STARD9: variants seen among roughly 807,000 people sequenced by gnomAD.
STARD9 encodes stAR-related lipid transfer protein 9.
Under a neutral mutation model 399.8 loss-of-function variants are expected in STARD9, and 346 were observed. The ratio of observed to expected loss-of-function variants is 0.87; its 90% CI spans 0.79 to 0.95. STARD9 has a LOEUF of 0.95. Ranked by LOEUF, STARD9 falls within the 40% of genes least tolerant of loss-of-function variation. The pLI, the probability that STARD9 is intolerant of heterozygous loss-of-function variation, is 0.00. For missense variants in STARD9, 5,832 were observed against 5,667.5 expected (o/e 1.03, Z -0.93); for synonymous variants, 2,203 against 2,143.5 (o/e 1.03, Z -0.77).
intron 26 of STARD9, among the ~76,000 whole-genome samples, chr15:42,709,129 C>T (rs2140374190): frequency 6.6e-6 from 1 of 152,218 alleles, no homozygotes; most frequent in Middle Eastern, 3.4e-3. Flanking sequence ...AATGTGGTGG[C>T]TGACGCCTGT....
In STARD9 at chr15:42,669,263, G is replaced by C. The variant is rs569715330; in HGVS notation, c.1423G>C (p.Asp475His). The change falls in exon 16 of 33, where the codon GAC (aspartate) becomes CAC (histidine). Residue 475 changes from aspartate to histidine, a missense_variant. Coordinates refer to ENST00000290607, the MANE Select transcript of STARD9 (RefSeq NM_020759.3). Reference protein sequence around the residue: ...INRRRAGVVIDSSLPHLMALE... With the variant: ...INRRRAGVVIHSSLPHLMALE... ...CAGGAGGAGGGCTGGGGTGGTCATCGACTCCAGCCTGCCACACTTGATGGC... is the reference window on the plus strand; with the variant it reads ...CAGGAGGAGGGCTGGGGTGGTCATCCACTCCAGCCTGCCACACTTGATGGC... 2 of 1,536,880 alleles carry C rather than the reference G, an allele frequency of 1.3e-6. No individual in the cohort carries two copies. The highest frequency in any genetic ancestry group is 1.4e-5 in the African/African-American group (1 of 73,040).
At chr15:42,663,775 G>A (rs1188677971) in intron 12 of STARD9, 45 bp from the exon 13 acceptor site, 2 of 1,362,114 alleles carry the variant, frequency 1.5e-6, no homozygotes, top group East Asian at 2.5e-5. Context: ...TAAGAGCTGG[G>A]ATGGATGGGC....
intron 26 of STARD9, among the ~76,000 whole-genome samples, chr15:42,702,361 G>A (rs1009754572): frequency 2.1e-4 from 32 of 151,954 alleles, no homozygotes; most frequent in African/African-American, 7.5e-4. Context: ...GCACCACCAT[G>A]CCTGGCTAAT....
At chr15:42,603,050 GC>G (rs1423207703) in intron 3 of STARD9, among the ~76,000 whole-genome samples, 1 of 152,058 alleles carries the variant, frequency 6.6e-6, no homozygotes, top group Non-Finnish European at 1.5e-5. Context: ...CTGGAGTTTG[GC>G]CTCATATATT....
At chr15:42,621,233 T>C (rs1181867277) in intron 3 of STARD9, among the ~76,000 whole-genome samples, 3 of 152,202 alleles carry the variant, frequency 2.0e-5, no homozygotes, top group Non-Finnish European at 4.4e-5. Flanking sequence ...TTGTATTTAA[T>C]AAATATTTTG....
chr15:42,655,391 A>G (rs1285434863), intron 9 of STARD9, among the ~76,000 whole-genome samples: 9 of 152,260 alleles, frequency 5.9e-5, no homozygotes, highest in African/African-American at 2.2e-4. Flanking sequence ...AAACAGGCAT[A>G]TAGACCAATG....
In STARD9 at chr15:42,691,322, G is replaced by A. The variant is rs1321362637; in HGVS notation, c.9744G>A (p.Gly3248=). The change falls in exon 23 of 33, where the codon GGG becomes GGA. Residue 3248 remains glycine, a synonymous_variant. Transcript: ENST00000290607. ...ATGGCTGTCAGATTTTAGATGCTGG[G>A]AGAGAGGAGGTGGCTGTGGCCAAGC... The part of the protein sequence containing the change: ...GLDGCQILDA[G]REEVAVAKPP... The A allele has an allele frequency of 1.3e-6, 2 of 1,537,130 alleles. No individual in the cohort carries two copies. The highest frequency in any genetic ancestry group is 2.7e-5 in the African/African-American group (2 of 73,044).
At position 42,688,321 on chromosome 15, in the gene STARD9, C is replaced by G. The variant is rs777339009; in HGVS notation, c.6743C>G (p.Thr2248Ser). Residue 2248 changes from threonine to serine, a missense_variant, in exon 23 of 33, where the codon ACT (threonine) becomes AGT (serine). Thr to Ser is a moderately conservative substitution (Grantham distance 58). Around this residue, in one of 2 missense-constraint regions of STARD9, gnomAD observed 5,828 missense variants for 5,651.1 expected, o/e 1.03. Coordinates refer to ENST00000290607, the MANE Select transcript of STARD9 (RefSeq NM_020759.3). The stretch of plus-strand genomic sequence containing the variant: ...TTAGGAAGTCTTGAGGAATTGGAGA[C>G]TGTGAAAGGTTTTCAGGAAAGCCAA... Reference protein sequence around the residue: ...WGLGSLEELETVKGFQESQVA... With the variant: ...WGLGSLEELESVKGFQESQVA... 6.5e-7 allele frequency: 1 copy of G among 1,537,398 alleles called. No individual in the cohort carries two copies. The highest frequency in any genetic ancestry group is 1.2e-5 in the South Asian group (1 of 84,060).
At chr15:42,646,708 T>G (rs929031464) in intron 7 of STARD9, among the ~76,000 whole-genome samples, 1 of 152,206 alleles carries the variant, frequency 6.6e-6, no homozygotes, top group East Asian at 1.9e-4. Flanking sequence ...GTTCACGGAG[T>G]AGCACTTTTA....
Position 42,685,341 on chromosome 15 carries a change from G to A in STARD9, c.3763G>A (p.Gly1255Ser). Residue 1255 changes from glycine to serine, a missense_variant, in exon 23 of 33, where the codon GGT (glycine) becomes AGT (serine). Gly to Ser is a moderately conservative substitution (Grantham distance 56). Coordinates refer to ENST00000290607, the MANE Select transcript of STARD9 (RefSeq NM_020759.3). ...VMDQEAICRL[G>S]PINYRTAARL... ...GGACCAAGAGGCAATATGCAGGCTTGGTCCCATCAACTACAGAACAGCAGC... is the reference window on the plus strand; with the variant it reads ...GGACCAAGAGGCAATATGCAGGCTTAGTCCCATCAACTACAGAACAGCAGC... The A allele has an allele frequency of 6.5e-7, 1 of 1,537,302 alleles. No individual in the cohort carries two copies. Among genetic ancestry groups the A allele is most frequent in the Non-Finnish European group, 8.7e-7 (1 of 1,146,930 alleles).
chr15:42,718,427 C>G lies in STARD9; in HGVS notation c.13763-8C>G, dbSNP rs1362269002. ...GCCTCCTGACCTTCCTTATCCCTGT[C>G]CCTCCAGTGTACTTGGTGTGCAACA... On this transcript the variant is annotated splice_region_variant and splice_polypyrimidine_tract_variant and intron_variant, in intron 30 of 32. Transcript: ENST00000290607. The G allele has an allele frequency of 6.5e-7, 1 of 1,535,856 alleles. No homozygotes were observed. Among genetic ancestry groups the G allele is most frequent in the Non-Finnish European group, 8.7e-7 (1 of 1,145,726 alleles).
intron 3 of STARD9, among the ~76,000 whole-genome samples, chr15:42,587,468 G>A (rs1018169931): frequency 6.6e-6 from 1 of 152,188 alleles, no homozygotes; most frequent in Non-Finnish European, 1.5e-5. Flanking sequence ...AGAGCAGTGT[G>A]GACATTACCT....
At chr15:42,664,845 A>G (rs2060061944) in intron 13 of STARD9, among the ~76,000 whole-genome samples, 1 of 151,874 alleles carries the variant, frequency 6.6e-6, no homozygotes, top group Non-Finnish European at 1.5e-5. Context: ...ACACTGTTTT[A>G]AAAAGGCAAT....
At chr15:42,633,314 A>G (rs1180585538) in intron 3 of STARD9, among the ~76,000 whole-genome samples, 6 of 152,228 alleles carry the variant, frequency 3.9e-5, no homozygotes, top group African/African-American at 1.4e-4. Flanking sequence ...TAACTTGCCC[A>G]AGATCACACA....
chr15:42,651,347 A>G (rs997220704), intron 8 of STARD9, among the ~76,000 whole-genome samples: 18 of 152,220 alleles, frequency 1.2e-4, no homozygotes, highest in African/African-American at 3.9e-4. Context: ...AAGTTACTCT[A>G]TATTTTGTTT....
Position 42,632,145 on chromosome 15 carries a change from A to G in STARD9, c.235-2711A>G, listed in dbSNP as rs532970860. On this transcript the variant is annotated intron_variant, in intron 3 of 32. Transcript: ENST00000290607. ...TCCAGTGTTGGGTACATATATATTT[A>G]TAATTGTTACATCCTTTTGCTGAAT... Among the ~76,000 whole-genome samples the G allele has an allele frequency of 2.0e-5, 3 of 152,286 alleles. No individual in the cohort carries two copies. The South Asian group carries it at 6.2e-4, about 32-fold the overall frequency.
At chr15:42,577,375 G>T (rs894836093) in intron 1 of STARD9, among the ~76,000 whole-genome samples, 1 of 152,064 alleles carries the variant, frequency 6.6e-6, no homozygotes, top group Non-Finnish European at 1.5e-5. Context: ...GGATGGTCTC[G>T]ATCTCCTGAC....
chr15:42,712,089 A>AATATAT lies in STARD9; in HGVS notation c.13285-4588_13285-4587insATATAT, dbSNP rs1566966023. Among the ~76,000 whole-genome samples, 167 of 8,504 alleles carry AATATAT rather than the reference A, an allele frequency of 0.02. 24 individuals carry two copies. In the African/African-American group the frequency reaches 0.25, roughly 13 times the overall value. The allele number at this position is 8,504 out of a possible 152,430, so 5.6% of individuals were successfully genotyped here. Reference sequence around the variant, plus strand: ...TTATATATATATATATATTATATATATATATATAATATATAATATATAATA... The same window carrying AATATAT: ...TTATATATATATATATATTATATATAATATATTATATATAATATATAATATATAATA... On this transcript the variant is annotated intron_variant, in intron 26 of 32. Transcript: ENST00000290607.
chr15:42,625,688 G>A (rs2059192263), intron 3 of STARD9, among the ~76,000 whole-genome samples: 1 of 134,064 alleles, frequency 7.5e-6, no homozygotes. Flanking sequence ...AACTAATGAA[G>A]AACTTCTTTT....
Sources: gnomAD v4.1 joint callset for allele counts (sites outside exome capture counted in the v4.1 genomes callset) on GRCh38, gnomAD v4.1.1 for gene constraint, gnomAD v4.1.1 regional missense constraint, MANE v1.5 for transcripts, NCBI Gene and HGNC (gene_info 2026-07-23, HGNC 2026-07-21) for gene names.